GNA12: variants seen among roughly 807,000 people sequenced by gnomAD.
The protein encoded by GNA12 is G protein subunit alpha 12.
Under a neutral mutation model 26.0 loss-of-function variants are expected in GNA12, and 9 were observed. That is an observed-to-expected ratio of 0.35 (90% CI 0.21 to 0.60). GNA12 has a LOEUF of 0.60. GNA12 is among the 20% of genes least tolerant of loss of function. The pLI is 0.78. For missense variants in GNA12, 405 were observed against 525.8 expected (o/e 0.77, Z 2.25); for synonymous variants, 264 against 219.6 (o/e 1.20, Z -1.79).
In GNA12 at chr7:2,730,995, G is replaced by A; in HGVS notation, c.*186C>T. On this transcript the variant is annotated 3_prime_UTR_variant, in exon 4 of 4. Coordinates refer to ENST00000275364, the MANE Select transcript of GNA12 (RefSeq NM_007353.3). Reference sequence around the variant, plus strand: ...GCCCCCAGGATTCAGTAGCTAACGTGACAGTTTCCATGTCCTTTTGCCTAG... The same window carrying A: ...GCCCCCAGGATTCAGTAGCTAACGTAACAGTTTCCATGTCCTTTTGCCTAG... 1 of 534,594 alleles carries A rather than the reference G, an allele frequency of 1.9e-6. No homozygotes were observed. The highest frequency in any genetic ancestry group is 3.3e-6 in the Non-Finnish European group (1 of 298,854). The allele number at this position is 534,594 out of a possible 1,614,324, so 33.1% of individuals were successfully genotyped here.
chr7:2,779,211 G>A (rs1792157763), intron 2 of GNA12, among the ~76,000 whole-genome samples: 1 of 152,110 alleles, frequency 6.6e-6, no homozygotes, highest in African/African-American at 2.4e-5. Flanking sequence ...AAAGCCTGAT[G>A]TGGTGGCATG....
chr7:2,772,025 T>C (rs1057125016), intron 2 of GNA12, among the ~76,000 whole-genome samples: 13 of 152,236 alleles, frequency 8.5e-5, no homozygotes, highest in African/African-American at 3.1e-4. Flanking sequence ...TCATGACTGA[T>C]GACGTCGACT....
chr7:2,736,918 C>T (rs920934194), intron 2 of GNA12, among the ~76,000 whole-genome samples: 5 of 152,226 alleles, frequency 3.3e-5, no homozygotes, highest in African/African-American at 1.2e-4. Flanking sequence ...GATCATTCAA[C>T]CCTGCACAGG....
At chr7:2,842,187 C>T (rs1396989707) in intron 1 of GNA12, among the ~76,000 whole-genome samples, 10 of 147,970 alleles carry the variant, frequency 6.8e-5, no homozygotes, top group Non-Finnish European at 1.2e-4. Flanking sequence ...GGACAAAGGA[C>T]GCTATCTAGG....
intron 1 of GNA12, among the ~76,000 whole-genome samples, chr7:2,795,915 G>C (rs1480285168): frequency 3.3e-5 from 5 of 151,374 alleles, no homozygotes; most frequent in Admixed American, 6.6e-5. Flanking sequence ...CCGCCTCCCA[G>C]GTTCAAGCAA....
chr7:2,733,431 G>C lies in GNA12; in HGVS notation c.576+20C>G, dbSNP rs186581134. 24 of 1,609,890 alleles carry C rather than the reference G, an allele frequency of 1.5e-5. No homozygotes were observed. The African/African-American group carries it at 2.4e-4, about 16-fold the overall frequency. The stretch of plus-strand genomic sequence containing the variant: ...TCTAACCCTGGAGCCCAGCTTCTTC[G>C]GGCGGGCGTGCTTACTCACCAGCTG... On this transcript the variant is annotated intron_variant, in intron 3 of 3. Coordinates refer to ENST00000275364, the MANE Select transcript of GNA12 (RefSeq NM_007353.3).
intron 1 of GNA12, chr7:2,835,927 T>C: frequency 3.7e-6 from 2 of 534,538 alleles, no homozygotes; most frequent in South Asian, 1.7e-5. Flanking sequence ...CGCCTTAGAA[T>C]CCAAAGTCGA....
At chr7:2,803,690 G>T (rs911593200) in intron 1 of GNA12, among the ~76,000 whole-genome samples, 3 of 152,042 alleles carry the variant, frequency 2.0e-5, no homozygotes, top group African/African-American at 7.2e-5. Flanking sequence ...CTCAAGAGGA[G>T]ATGGAACTGC....
At chr7:2,775,049 G>A (rs915497621) in intron 2 of GNA12, among the ~76,000 whole-genome samples, 1 of 152,190 alleles carries the variant, frequency 6.6e-6, no homozygotes, top group Non-Finnish European at 1.5e-5. Context: ...ACTATGTGAT[G>A]AGTTACTTCC....
intron 2 of GNA12, among the ~76,000 whole-genome samples, chr7:2,741,829 C>T (rs1272718387): frequency 1.3e-5 from 2 of 150,580 alleles, no homozygotes; most frequent in African/African-American, 2.5e-5. Flanking sequence ...CAGGAGAACG[C>T]CGCAAGGATA....
chr7:2,768,189 G>C (rs777406897), intron 2 of GNA12, among the ~76,000 whole-genome samples: 1 of 152,244 alleles, frequency 6.6e-6, no homozygotes, highest in Non-Finnish European at 1.5e-5. Context: ...GGGTATGTGA[G>C]GCCAGGCTTT....
At chr7:2,784,479 A>C (rs555463481) in intron 2 of GNA12, among the ~76,000 whole-genome samples, 1 of 152,342 alleles carries the variant, frequency 6.6e-6, no homozygotes, top group African/African-American at 2.4e-5. Context: ...ATTACTGCCA[A>C]AGAATAGAAT....
At chr7:2,739,931 T>C (rs909822655) in intron 2 of GNA12, among the ~76,000 whole-genome samples, 2 of 152,264 alleles carry the variant, frequency 1.3e-5, no homozygotes, top group East Asian at 1.9e-4. Flanking sequence ...CCTTGGCCTC[T>C]GAAAGTGCTG....
intron 1 of GNA12, among the ~76,000 whole-genome samples, chr7:2,840,390 G>A (rs1031529676): frequency 6.6e-6 from 1 of 152,142 alleles, no homozygotes; most frequent in Non-Finnish European, 1.5e-5. Context: ...ACCATCTGAA[G>A]CATTATGAAA....
chr7:2,840,293 G>A lies in GNA12; in HGVS notation c.309+3560C>T, dbSNP rs1778953503. On this transcript the variant is annotated intron_variant, in intron 1 of 3. Transcript: ENST00000275364. The stretch of plus-strand genomic sequence containing the variant: ...TTAAAAAAGGCATGTTTAGTTCCTA[G>A]CTCTGCCATCTGCTAATTAGGTAGC... Among the ~76,000 whole-genome samples, 3 of 152,188 alleles carry A rather than the reference G, an allele frequency of 2.0e-5. No individual in the cohort carries two copies. The South Asian group carries it at 6.2e-4, about 32-fold the overall frequency.
At chr7:2,765,275 G>GTA (rs1176124188) in intron 2 of GNA12, 3 of 151,808 alleles carry the variant, frequency 2.0e-5, no homozygotes, top group Non-Finnish European at 2.9e-5. Context: ...AGCCTCCCGA[G>GTA]TAGCTGGGAC....
chr7:2,760,634 A>C lies in GNA12; in HGVS notation c.526-27133T>G, dbSNP rs928768476. 1.9e-4 allele frequency among the ~76,000 whole-genome samples: 29 copies of C among 152,220 alleles called. 1 individual carries two copies. Among genetic ancestry groups the C allele is most frequent in the Non-Finnish European group, 1.5e-5 (1 of 68,044 alleles). ...GACTTTCCACACACATCCCTCAAGC[A>C]GGACAGACCTGTCACTGTCCCTTTA... On this transcript the variant is annotated intron_variant, in intron 2 of 3. Coordinates refer to ENST00000275364, the MANE Select transcript of GNA12 (RefSeq NM_007353.3).
Position 2,814,385 on chromosome 7 carries a change from G to A in GNA12, c.310-19242C>T, listed in dbSNP as rs772534366. 5.1e-6 allele frequency: 8 copies of A among 1,565,836 alleles called. No homozygotes were observed. In the African/African-American group the frequency reaches 5.4e-5, roughly 11 times the overall value. ...TCGGTTTCCATCTGGTGTGCTTCCC[G>A]AACCCTGCAAGTCAACATTTAAGAA... On this transcript the variant is annotated intron_variant, in intron 1 of 3. Transcript: ENST00000275364.
chr7:2,827,218 C>T (rs1230290253), intron 1 of GNA12, among the ~76,000 whole-genome samples: 2 of 151,968 alleles, frequency 1.3e-5, no homozygotes, highest in African/African-American at 2.4e-5. Flanking sequence ...TTAGTGGTTG[C>T]CAGGGGCCGG....
Sources: gnomAD v4.1 joint callset for allele counts (sites outside exome capture counted in the v4.1 genomes callset) on GRCh38, gnomAD v4.1.1 for gene constraint, MANE v1.5 for transcripts, NCBI Gene and HGNC (gene_info 2026-07-23, HGNC 2026-07-21) for gene names.